ZP4: variants seen among roughly 807,000 people sequenced by gnomAD.
ZP4 encodes the protein zona pellucida glycoprotein 4, also known as zona pellucida sperm-binding protein 4.
Under a neutral mutation model 62.3 loss-of-function variants are expected in ZP4, and 62 were observed. The observed-to-expected ratio is 0.99, with a 90% CI of 0.81 to 1.23. The LOEUF is 1.23. ZP4 is among the 50% of genes most tolerant of loss of function. The pLI is 0.00. For synonymous variants in ZP4, 289 were observed against 247.3 expected (o/e 1.17, Z -1.58); for missense variants, 774 against 656.0 (o/e 1.18, Z -1.97).
chr1:237,890,743 A>T lies in ZP4; in HGVS notation c.-108T>A. The stretch of plus-strand genomic sequence containing the variant: ...ATATACAGAAGTCAGGCTTGTTTTC[A>T]GCTGCACATCTTTGTGACACTCAGG... On this transcript the variant is annotated 5_prime_UTR_variant, in exon 1 of 12. The change abolishes the stop of an existing upstream ORF in the 5' untranslated region. Coordinates refer to ENST00000366570, the MANE Select transcript of ZP4 (RefSeq NM_021186.5). 7.7e-7 allele frequency: 1 copy of T among 1,293,106 alleles called. No homozygotes were observed. The highest frequency in any genetic ancestry group is 1.1e-6 in the Non-Finnish European group (1 of 952,118). The allele number at this position is 1,293,106 out of a possible 1,614,324, so 80.1% of individuals were successfully genotyped here.
At chr1:237,886,697 A>T (rs1665109663) in intron 6 of ZP4, 74 bp downstream of exon 6, 1 of 1,271,756 alleles carries the variant, frequency 7.9e-7, no homozygotes, top group Admixed American at 1.9e-5. Context: ...AGGAATGCTC[A>T]TTTGTGGATT....
At position 237,890,761 on chromosome 1, in the gene ZP4, C is replaced by A; in HGVS notation, c.-126G>T. ...TGTTTTCAGCTGCACATCTTTGTGA[C>A]ACTCAGGTGGGATGCCTTCAGAAAG... On this transcript the variant is annotated 5_prime_UTR_variant, in exon 1 of 12. Coordinates refer to ENST00000366570, the MANE Select transcript of ZP4 (RefSeq NM_021186.5). 9.0e-7 allele frequency: 1 copy of A among 1,109,490 alleles called. No homozygotes were observed. Among genetic ancestry groups the A allele is most frequent in the Non-Finnish European group, 1.3e-6 (1 of 792,560 alleles). The allele number at this position is 1,109,490 out of a possible 1,614,324, so 68.7% of individuals were successfully genotyped here. A position where few individuals can be genotyped will look rare whatever the true frequency, so the allele number is the denominator to read the frequency against.
At chr1:237,885,922 G>A in intron 6 of ZP4, 36 bp from the exon 7 acceptor site, 2 of 1,612,366 alleles carry the variant, frequency 1.2e-6, no homozygotes, top group Non-Finnish European at 8.5e-7. Flanking sequence ...GTTGGTTGTG[G>A]GAAGTGGGTG....
intron 10 of ZP4, 85 bp from the exon 11 acceptor site, chr1:237,882,931 G>A: frequency 3.5e-6 from 4 of 1,154,932 alleles, no homozygotes; most frequent in Non-Finnish European, 3.7e-6. Context: ...AAGGCCAAGT[G>A]TCTCTATAAA....
At chr1:237,883,243 T>C (rs183795522) in intron 10 of ZP4, among the ~76,000 whole-genome samples, 5 of 152,256 alleles carry the variant, frequency 3.3e-5, no homozygotes, top group Admixed American at 3.3e-4. Context: ...ACAAATTTCA[T>C]TCACTTGAAA....
chr1:237,890,881 A>G lies in ZP4; in HGVS notation c.-246T>C. 1 of 383,866 alleles carries G rather than the reference A, an allele frequency of 2.6e-6. No homozygotes were observed. The highest frequency in any genetic ancestry group is 4.6e-6 in the Non-Finnish European group (1 of 215,996). 23.8% of individuals were successfully genotyped at this position (383,866 alleles called of 1,614,324 possible). ...AGGCAGACTTCAGAGCCCAAGAAAA[A>G]TGTAGTAACTTTTAGCTAACAGAAA... On this transcript the variant is annotated 5_prime_UTR_variant, in exon 1 of 12. Coordinates refer to ENST00000366570, the MANE Select transcript of ZP4 (RefSeq NM_021186.5).
At chr1:237,884,031 CAA>C (rs879406118) in intron 10 of ZP4, among the ~76,000 whole-genome samples, 3,568 of 100,290 alleles carry the variant, frequency 0.036, 166 homozygotes, top group African/African-American at 0.094. Context: ...CACACACACA[CAA>C]ACACACACAA....
At chr1:237,884,033 A>ACACACACACAC (rs1665031634) in intron 10 of ZP4, among the ~76,000 whole-genome samples, 6 of 80,530 alleles carry the variant, frequency 7.5e-5, no homozygotes, top group African/African-American at 3.9e-4. Context: ...CACACACACA[A>ACACACACACAC]ACACACACAA....
rs1165522199 is a variant in ZP4, at chr1:237,890,476, C to G, written c.160G>C (p.Val54Leu). 1.9e-6 allele frequency: 3 copies of G among 1,613,056 alleles called. No homozygotes were observed. Among genetic ancestry groups the G allele is most frequent in the Non-Finnish European group, 2.5e-6 (3 of 1,179,624 alleles). ...TCAAACTTACCCCAAGCTATTAGTA[C>G]AGGAGGAGACGTTGCCTCCTGGTTG... Reference protein sequence around the residue: ...NLNQEATSPPVLIAWDNQGLL... With the variant: ...NLNQEATSPPLLIAWDNQGLL... Residue 54 changes from valine (V) to leucine (L), a missense_variant, in exon 1 of 12, where the codon GTA becomes CTA. By Grantham distance (32) the Val-to-Leu change is conservative (BLOSUM62 1). Coordinates refer to ENST00000366570, the MANE Select transcript of ZP4 (RefSeq NM_021186.5).
In ZP4 at chr1:237,882,753, G is replaced by A; in HGVS notation, c.1484C>T (p.Pro495Leu). The change falls in exon 11 of 12, where the codon CCA (proline) becomes CTA (leucine). Residue 495 changes from proline to leucine, a missense_variant. By Grantham distance (98) the Pro-to-Leu change is moderately conservative (BLOSUM62 -3). Coordinates refer to ENST00000366570, the MANE Select transcript of ZP4 (RefSeq NM_021186.5). ...TCTTGGATACTTACGGAGCTTTTCTGGAGGGTCCTTAGTGGCTTGGAGTAG... is the reference window on the plus strand; with the variant it reads ...TCTTGGATACTTACGGAGCTTTTCTAGAGGGTCCTTAGTGGCTTGGAGTAG... ...MILLQATKDP[P>L]EKLRVPVDSK... 2 of 1,614,098 alleles carry A rather than the reference G, an allele frequency of 1.2e-6. No individual in the cohort carries two copies. Among genetic ancestry groups the A allele is most frequent in the Middle Eastern group, 1.7e-4 (1 of 6,060 alleles).
intron 3 of ZP4, among the ~76,000 whole-genome samples, chr1:237,889,443 C>T (rs1021688283): frequency 2.0e-5 from 3 of 151,804 alleles, no homozygotes; most frequent in Admixed American, 6.6e-5. Flanking sequence ...CTCAGCCTCC[C>T]GAGTAGCTGG....
At chr1:237,887,888 T>A (rs976893980) in intron 4 of ZP4, among the ~76,000 whole-genome samples, 3 of 151,978 alleles carry the variant, frequency 2.0e-5, no homozygotes, top group Admixed American at 6.5e-5. Flanking sequence ...GCGTGTGCGA[T>A]TATTAGGTTG....
chr1:237,882,440 T>C lies in ZP4; in HGVS notation c.1605A>G (p.Pro535=). ...TCTGGTTTTATTGACACATTTGGTC[T>C]GGGCAACTCTTCTGTTTCTTGACAG... ...YLAVKKQKSC[P]DQMCQ The change falls in exon 12 of 12, where the codon CCA becomes CCG. Residue 535 remains proline (P), a synonymous_variant. Transcript: ENST00000366570. 8 of 1,610,714 alleles carry C rather than the reference T, an allele frequency of 5.0e-6. No individual in the cohort carries two copies. The highest frequency in any genetic ancestry group is 6.8e-6 in the Non-Finnish European group (8 of 1,179,304).
At chr1:237,889,064 CT>C (rs1294887383) in intron 3 of ZP4, among the ~76,000 whole-genome samples, 1 of 152,184 alleles carries the variant, frequency 6.6e-6, no homozygotes, top group Non-Finnish European at 1.5e-5. Flanking sequence ...ATCATACTTC[CT>C]GCTGTTTCCT....
chr1:237,882,917 G>A lies in ZP4; in HGVS notation c.1391-71C>T. 2.3e-6 allele frequency: 3 copies of A among 1,322,196 alleles called. No individual in the cohort carries two copies. In the Admixed American group the frequency reaches 5.7e-5, roughly 25 times the overall value. 81.9% of individuals were successfully genotyped at this position (1,322,196 alleles called of 1,614,324 possible). A position where few individuals can be genotyped will look rare whatever the true frequency, so the allele number is the denominator to read the frequency against. On this transcript the variant is annotated intron_variant, in intron 10 of 11. Transcript: ENST00000366570. The stretch of plus-strand genomic sequence containing the variant: ...TAGGGCAGGGATAGAAAATGTTATG[G>A]TGCAAGGCCAAGTGTCTCTATAAAG...
rs1211390949 is a variant in ZP4 at position 237,885,528 on chromosome 1, C to A, written c.1023G>T (p.Leu341Phe). 6.2e-7 allele frequency: 1 copy of A among 1,614,034 alleles called. No homozygotes were observed. The highest frequency in any genetic ancestry group is 1.1e-5 in the South Asian group (1 of 91,078). ...YGVGDYPVVKLLRDPIYVEVS... is the reference protein window; with the variant it reads ...YGVGDYPVVKFLRDPIYVEVS... ...CCTCCACGTAAATGGGATCCCGAAG[C>A]AACTTCACCACTGGGTAGTCACCAA... Residue 341 changes from leucine to phenylalanine, a missense_variant, in exon 8 of 12, where the codon TTG (leucine) becomes TTT (phenylalanine). By Grantham distance (22) the Leu-to-Phe change is conservative (BLOSUM62 0). Coordinates refer to ENST00000366570, the MANE Select transcript of ZP4 (RefSeq NM_021186.5).
rs765280894 is a variant in ZP4 at position 237,890,685 on chromosome 1, A to G, written c.-50T>C. 2 of 1,575,942 alleles carry G rather than the reference A, an allele frequency of 1.3e-6. No homozygotes were observed. The highest frequency in any genetic ancestry group is 8.6e-7 in the Non-Finnish European group (1 of 1,160,156). On this transcript the variant is annotated 5_prime_UTR_variant, in exon 1 of 12. Transcript: ENST00000366570. Reference sequence around the variant, plus strand: ...CTGCAGACTCTCCGCCTCCTCTCCCAAGAGCCGAGGGTCTGCCTGCCCAGA... The same window carrying G: ...CTGCAGACTCTCCGCCTCCTCTCCCGAGAGCCGAGGGTCTGCCTGCCCAGA...
rs1370723767 is a variant in ZP4 at position 237,885,883 on chromosome 1, G to T, written c.843C>A (p.Leu281=). The change falls in exon 7 of 12, where the codon CTC becomes CTA. Residue 281 remains leucine (L), a synonymous_variant. Coordinates refer to ENST00000366570, the MANE Select transcript of ZP4 (RefSeq NM_021186.5). ...GSVTRDSIFR[L]HVSCSYSVSS... ...TTACTGAGTAGCTGCAGCTGACATG[G>T]AGCCTGCAGAGAAACAAGATTTTAG... is the stretch of plus-strand genomic sequence containing the variant. 5 of 1,613,942 alleles carry T rather than the reference G, an allele frequency of 3.1e-6. No individual in the cohort carries two copies. The African/African-American group carries it at 6.7e-5, about 22-fold the overall frequency.
intron 3 of ZP4, among the ~76,000 whole-genome samples, 160 bp downstream of exon 3, chr1:237,889,707 A>C (rs1487629281): frequency 1.3e-5 from 2 of 152,154 alleles, no homozygotes; most frequent in Non-Finnish European, 2.9e-5. Flanking sequence ...CTCAATTGGT[A>C]GTTATCCTAA....
Sources: gnomAD v4.1 joint callset for allele counts (sites outside exome capture counted in the v4.1 genomes callset) on GRCh38, gnomAD v4.1.1 for gene constraint, MANE v1.5 for transcripts, NCBI Gene and HGNC (gene_info 2026-07-23, HGNC 2026-07-21) for gene names.